Variants in CHRDL2 observed in about 807,000 individuals in gnomAD.
CHRDL2 encodes the protein chordin-like protein 2.
A neutral mutation model predicts 54.3 loss-of-function variants in CHRDL2; 41 were observed. That is an observed-to-expected ratio of 0.76 (90% CI 0.59 to 0.98). The LOEUF (loss-of-function observed/expected upper bound fraction) is 0.98, where lower values mean the gene tolerates loss of function less well. CHRDL2 is among the 50% of genes least tolerant of loss of function. The probability of loss-of-function intolerance (pLI) is 0.00; values close to 1 mark genes in which losing one functional copy is unlikely to be tolerated. For synonymous variants in CHRDL2, 220 were observed against 224.3 expected (o/e 0.98, Z 0.17); for missense variants, 518 against 562.4 (o/e 0.92, Z 0.80).
chr11:74,719,492 G>A (rs143263966), intron 1 of CHRDL2, among the ~76,000 whole-genome samples: 53 of 151,962 alleles, frequency 3.5e-4, no homozygotes, highest in African/African-American at 1.2e-3. Context: ...AGATCACCAG[G>A]CACCTGTGTA....
chr11:74,722,944 G>T (rs1003184891), intron 1 of CHRDL2, among the ~76,000 whole-genome samples: 14 of 152,124 alleles, frequency 9.2e-5, no homozygotes, highest in African/African-American at 3.4e-4. Flanking sequence ...GAGAGGCAAA[G>T]GAAAGCCATG....
intron 1 of CHRDL2, among the ~76,000 whole-genome samples, chr11:74,726,495 T>TG (rs2135279438): frequency 6.6e-6 from 1 of 152,302 alleles, no homozygotes; most frequent in South Asian, 2.1e-4. Context: ...AGAATGAGGA[T>TG]GGGGTCCTGG....
Position 74,704,568 on chromosome 11 carries a change from C to T in CHRDL2, c.669G>A (p.Leu223=). The change falls in exon 7 of 11, where the codon CTG becomes CTA. Residue 223 remains leucine, a synonymous_variant. Coordinates refer to ENST00000376332, the MANE Select transcript of CHRDL2 (RefSeq NM_001278473.3). ...TPAPTGLSAP[L]SFIPRHFRPK... Reference sequence around the variant, plus strand: ...GTCTGAAGTGGCGAGGGATGAAGCTCAGAGGGGCGCTGAGGCCAGTGGGGG... The same window carrying T: ...GTCTGAAGTGGCGAGGGATGAAGCTTAGAGGGGCGCTGAGGCCAGTGGGGG... 1 of 1,587,030 alleles carries T rather than the reference C, an allele frequency of 6.3e-7. No homozygotes were observed. Among genetic ancestry groups the T allele is most frequent in the East Asian group, 2.3e-5 (1 of 43,630 alleles).
rs565292637 is a variant in CHRDL2, at chr11:74,709,591, ACTC to A, written c.433-1199_433-1197del. 9.1e-3 allele frequency among the ~76,000 whole-genome samples: 1,388 copies of A among 152,210 alleles called. 11 individuals carry two copies. Among genetic ancestry groups the A allele is most frequent in the Non-Finnish European group, 0.015 (990 of 68,000 alleles). On this transcript the variant is annotated intron_variant, in intron 4 of 10. Coordinates refer to ENST00000376332, the MANE Select transcript of CHRDL2 (RefSeq NM_001278473.3). The stretch of plus-strand genomic sequence containing the variant: ...TTACTAGGTTGATTTATAAGTAGTC[ACTC>A]CTCATTATTTGCAGGCTGTTTGCTC...
intron 4 of CHRDL2, among the ~76,000 whole-genome samples, chr11:74,709,120 G>C (rs1397620292): frequency 6.6e-6 from 1 of 152,186 alleles, no homozygotes; most frequent in Non-Finnish European, 1.5e-5. Context: ...CCGGTCCCTC[G>C]GGTGAGGCCA....
rs768288005 is a variant in CHRDL2, at chr11:74,708,304, T to C, written c.524A>G (p.Lys175Arg). 1 of 1,574,402 alleles carries C rather than the reference T, an allele frequency of 6.4e-7. No homozygotes were observed. Among genetic ancestry groups the C allele is most frequent in the African/African-American group, 1.4e-5 (1 of 72,962 alleles). ...PLPDSCCQAC[K>R]DEASEQSDEE... ...GCCAGATGGAGGGACAGACTCACCT[T>C]TGCAGGCCTGGCAGCAGGAGTCTGG... Residue 175 changes from lysine to arginine, a missense_variant and splice_region_variant, in exon 5 of 11, where the codon AAA (lysine) becomes AGA (arginine). Coordinates refer to ENST00000376332, the MANE Select transcript of CHRDL2 (RefSeq NM_001278473.3).
intron 9 of CHRDL2, chr11:74,697,500 C>G: frequency 3.4e-6 from 2 of 589,090 alleles, no homozygotes; most frequent in Non-Finnish European, 6.2e-6. Context: ...CACTCAGGCC[C>G]CTGTTGTCTT....
At chr11:74,713,641 T>C (rs2034266674) in intron 2 of CHRDL2, among the ~76,000 whole-genome samples, 162 bp from the exon 3 acceptor site, 3 of 152,214 alleles carry the variant, frequency 2.0e-5, no homozygotes, top group Admixed American at 2.0e-4. Flanking sequence ...TCCCCATTCC[T>C]GCCCACCAAG....
chr11:74,707,897 A>G (rs1044582532), intron 5 of CHRDL2, among the ~76,000 whole-genome samples: 7 of 152,206 alleles, frequency 4.6e-5, no homozygotes, highest in Middle Eastern at 3.4e-3. Context: ...TTTGGGCTCA[A>G]TGGAGAGATA....
intron 1 of CHRDL2, among the ~76,000 whole-genome samples, chr11:74,727,018 A>T (rs1329080488): frequency 6.6e-6 from 1 of 152,168 alleles, no homozygotes; most frequent in Non-Finnish European, 1.5e-5. Flanking sequence ...GCAGGGCAGG[A>T]GTACCACCCT....
chr11:74,729,152 G>A (rs1027499603), intron 1 of CHRDL2, among the ~76,000 whole-genome samples: 1 of 152,228 alleles, frequency 6.6e-6, no homozygotes, highest in Admixed American at 6.5e-5. Context: ...TGCATCAAGG[G>A]CAATGATATC....
chr11:74,697,064 G>A, intron 10 of CHRDL2, 141 bp downstream of exon 10: 2 of 639,668 alleles, frequency 3.1e-6, no homozygotes, highest in Non-Finnish European at 5.5e-6. Flanking sequence ...GACACCCGCT[G>A]GATTCCTGTG....
chr11:74,711,800 A>T (rs997977295), intron 3 of CHRDL2, among the ~76,000 whole-genome samples: 12 of 150,488 alleles, frequency 8.0e-5, no homozygotes, highest in African/African-American at 2.2e-4. Flanking sequence ...CATTTTTTAA[A>T]TTTTTTTTCC....
Position 74,696,550 on chromosome 11 carries a change from G to T in CHRDL2, c.1249C>A (p.Leu417Met). The T allele has an allele frequency of 6.2e-7, 1 of 1,614,158 alleles. No homozygotes were observed. Among genetic ancestry groups the T allele is most frequent in the African/African-American group, 1.3e-5 (1 of 75,060 alleles). ...TTGTCTGGACTGGCCGTGACCTTCA[G>T]CTCCAGGGTCTGGGCTAGGAAGACG... is the stretch of plus-strand genomic sequence containing the variant. ...WNVFLAQTLE[L>M]KVTASPDKVT... Residue 417 changes from leucine to methionine, a missense_variant, in exon 11 of 11, where the codon CTG (leucine) becomes ATG (methionine). Leu to Met is a conservative substitution (Grantham distance 15, BLOSUM62 2). Coordinates refer to ENST00000376332, the MANE Select transcript of CHRDL2 (RefSeq NM_001278473.3).
Position 74,718,773 on chromosome 11 carries a change from G to T in CHRDL2, c.142C>A (p.Pro48Thr), listed in dbSNP as rs200715022. 2.5e-6 allele frequency: 4 copies of T among 1,613,800 alleles called. No homozygotes were observed. The highest frequency in any genetic ancestry group is 3.4e-6 in the Non-Finnish European group (4 of 1,179,864). Residue 48 changes from proline (P) to threonine (T), a missense_variant, in exon 2 of 11, where the codon CCC becomes ACC. Transcript: ENST00000376332. ...ATCAGGCCTTGTGGCTCCAAGTAGG[G>T]GTGCCAGCTCTCGCCGGGGGAGTAT... is the stretch of plus-strand genomic sequence containing the variant. ...KRYSPGESWH[P>T]YLEPQGLMYC...
At chr11:74,727,241 A>G (rs1208380734) in intron 1 of CHRDL2, among the ~76,000 whole-genome samples, 2 of 152,238 alleles carry the variant, frequency 1.3e-5, no homozygotes, top group African/African-American at 4.8e-5. Context: ...TGGCACAGCC[A>G]GGGCTGGATC....
At chr11:74,697,476 T>C in intron 9 of CHRDL2, 179 bp from the exon 10 acceptor site, 1 of 608,968 alleles carries the variant, frequency 1.6e-6, no homozygotes, top group Non-Finnish European at 3.0e-6. Context: ...CTCCTATCTC[T>C]CTGCCACTAT....
chr11:74,714,548 C>T (rs540826242), intron 2 of CHRDL2, among the ~76,000 whole-genome samples: 6 of 152,216 alleles, frequency 3.9e-5, no homozygotes, highest in Non-Finnish European at 7.3e-5. Flanking sequence ...GGCCCTACGC[C>T]TTCTGGGGTC....
At chr11:74,715,731 C>A (rs1238685631) in intron 2 of CHRDL2, among the ~76,000 whole-genome samples, 3 of 151,968 alleles carry the variant, frequency 2.0e-5, no homozygotes, top group Non-Finnish European at 4.4e-5. Flanking sequence ...GTAATCCCAG[C>A]ACTTTGGGAT....
Sources: gnomAD v4.1 joint callset for allele counts (sites outside exome capture counted in the v4.1 genomes callset) on GRCh38, gnomAD v4.1.1 for gene constraint, MANE v1.5 for transcripts, NCBI Gene and HGNC (gene_info 2026-07-23, HGNC 2026-07-21) for gene names.